The following ZNF385B variants were observed in gnomAD, a reference collection of about 807,000 sequenced individuals.
ZNF385B encodes zinc finger protein 385B.
ZNF385B carries 23 observed loss-of-function variants against 39.2 expected under a neutral mutation model. The ratio of observed to expected loss-of-function variants is 0.59; its 90% CI spans 0.42 to 0.83. The LOEUF (loss-of-function observed/expected upper bound fraction) is 0.83. Among genes scored for constraint, ZNF385B ranks in the 40% least tolerant of loss-of-function variants. ZNF385B has a pLI of 0.00. For missense variants in ZNF385B, 552 were observed against 598.9 expected, an observed-to-expected ratio of 0.92 and a Z score of 0.82; for synonymous variants, 205 against 222.6, an observed-to-expected ratio of 0.92 and a Z score of 0.70.
intron 1 of ZNF385B, among the ~76,000 whole-genome samples, chr2:179,851,201 A>G (rs1684117978): frequency 6.6e-6 from 1 of 152,208 alleles, no homozygotes; most frequent in African/African-American, 2.4e-5. Context: ...CTGTAACCCC[A>G]ATGCTGTGGG....
At chr2:179,602,872 A>G (rs190274627) in intron 3 of ZNF385B, among the ~76,000 whole-genome samples, 30 of 152,324 alleles carry the variant, frequency 2.0e-4, no homozygotes, top group African/African-American at 6.7e-4. Flanking sequence ...GTCTTAAGCA[A>G]TAACTCATTA....
chr2:179,760,546 C>G (rs1443596710), intron 3 of ZNF385B, among the ~76,000 whole-genome samples: 1 of 152,104 alleles, frequency 6.6e-6, no homozygotes, highest in Non-Finnish European at 1.5e-5. Context: ...TTCCTTAGTA[C>G]AGATGTACCA....
intron 3 of ZNF385B, among the ~76,000 whole-genome samples, chr2:179,676,367 C>G (rs927386803): frequency 6.6e-6 from 1 of 151,520 alleles, no homozygotes; most frequent in African/African-American, 2.4e-5. Context: ...GGATTACAGG[C>G]GTGAGCCACC....
intron 3 of ZNF385B, among the ~76,000 whole-genome samples, chr2:179,706,678 T>G (rs1229997381): frequency 6.6e-6 from 1 of 152,192 alleles, no homozygotes; most frequent in Non-Finnish European, 1.5e-5. Flanking sequence ...GGGTTGAAAC[T>G]GACTGAGCAA....
At chr2:179,848,875 T>C (rs1316210425) in intron 1 of ZNF385B, among the ~76,000 whole-genome samples, 1 of 152,092 alleles carries the variant, frequency 6.6e-6, no homozygotes, top group Non-Finnish European at 1.5e-5. Context: ...TCAGGTGTTG[T>C]AGAAAAGAGG....
chr2:179,681,623 G>C (rs1697522416), intron 3 of ZNF385B, among the ~76,000 whole-genome samples: 1 of 152,098 alleles, frequency 6.6e-6, no homozygotes, highest in Admixed American at 6.5e-5. Flanking sequence ...TTTTAAAATT[G>C]CATACTTTTG....
intron 3 of ZNF385B, among the ~76,000 whole-genome samples, chr2:179,600,341 T>C (rs182026881): frequency 6.6e-6 from 1 of 152,338 alleles, no homozygotes; most frequent in African/African-American, 2.4e-5. Context: ...AAAATATCAT[T>C]TTGATATGCA....
chr2:179,466,508 C>T (rs1451104791), intron 6 of ZNF385B, among the ~76,000 whole-genome samples: 2 of 152,116 alleles, frequency 1.3e-5, no homozygotes, highest in African/African-American at 2.4e-5. Context: ...TCATCAGAGG[C>T]TTCTAGCCCA....
rs544197793 is a variant in ZNF385B at position 179,494,003 on chromosome 2, T to A, written c.553-10569A>T. 5.2e-4 allele frequency among the ~76,000 whole-genome samples: 79 copies of A among 151,134 alleles called. 1 individual carries two copies. In the South Asian group the frequency reaches 0.014, roughly 26 times the overall value. ...GACATAGATAAGAAATTATAAATTT[T>A]TATATATATATTAGTGTTAACAGAT... On this transcript the variant is annotated intron_variant, in intron 5 of 9. Transcript: ENST00000410066.
intron 6 of ZNF385B, among the ~76,000 whole-genome samples, chr2:179,460,748 C>T (rs1391759179): frequency 5.3e-5 from 8 of 152,190 alleles, no homozygotes; most frequent in African/African-American, 1.9e-4. Context: ...GACTCAGCCA[C>T]GAGGACAGTT....
At chr2:179,693,719 T>C (rs868108316) in intron 3 of ZNF385B, among the ~76,000 whole-genome samples, 45 of 152,142 alleles carry the variant, frequency 3.0e-4, no homozygotes, top group Non-Finnish European at 1.3e-4. Flanking sequence ...ACGAACAGAT[T>C]GACAGAACCA....
chr2:179,490,308 C>A (rs1480744092), intron 5 of ZNF385B, among the ~76,000 whole-genome samples: 1 of 138,718 alleles, frequency 7.2e-6, no homozygotes, highest in African/African-American at 2.6e-5. Context: ...ATGAGCATTA[C>A]ACACACAAAC....
chr2:179,669,575 A>C (rs1310457834), intron 3 of ZNF385B, among the ~76,000 whole-genome samples: 1 of 152,188 alleles, frequency 6.6e-6, no homozygotes, highest in Non-Finnish European at 1.5e-5. Context: ...TTTCCTCTAC[A>C]TGATAGTGGC....
chr2:179,674,602 C>T (rs560264147), intron 3 of ZNF385B, among the ~76,000 whole-genome samples: 2 of 152,286 alleles, frequency 1.3e-5, no homozygotes, highest in Non-Finnish European at 2.9e-5. Context: ...TCAGCTTCAA[C>T]AATTTAGCAA....
chr2:179,856,624 C>CAA (rs11308289), intron 1 of ZNF385B, among the ~76,000 whole-genome samples: 7 of 108,330 alleles, frequency 6.5e-5, no homozygotes, highest in African/African-American at 1.7e-4. Context: ...ACAGCAGAGA[C>CAA]AAAAAAAAAA....
chr2:179,670,029 C>T (rs1237954214), intron 3 of ZNF385B, among the ~76,000 whole-genome samples: 4 of 152,168 alleles, frequency 2.6e-5, no homozygotes, highest in African/African-American at 7.2e-5. Flanking sequence ...CGGTGGCTCA[C>T]GCTTGTAATC....
At chr2:179,713,967 T>C (rs751563431) in intron 3 of ZNF385B, among the ~76,000 whole-genome samples, 1 of 152,218 alleles carries the variant, frequency 6.6e-6, no homozygotes, top group Non-Finnish European at 1.5e-5. Flanking sequence ...CATAAAATAA[T>C]ATTCCTTGAT....
intron 3 of ZNF385B, among the ~76,000 whole-genome samples, chr2:179,741,585 G>T (rs1466047055): frequency 6.6e-6 from 1 of 151,992 alleles, no homozygotes; most frequent in Non-Finnish European, 1.5e-5. Flanking sequence ...GTTAAAATTG[G>T]GATAGCTTGG....
intron 5 of ZNF385B, among the ~76,000 whole-genome samples, chr2:179,499,975 T>C (rs2056606890): frequency 6.6e-6 from 1 of 152,042 alleles, no homozygotes; most frequent in African/African-American, 2.4e-5. Flanking sequence ...CAAAAATCTG[T>C]AGCATTTTTA....
Sources: allele counts gnomAD v4.1 joint callset (sites outside exome capture counted in the v4.1 genomes callset), GRCh38; gene constraint gnomAD v4.1.1; transcripts MANE v1.5; gene names NCBI Gene and HGNC (gene_info 2026-07-23, HGNC 2026-07-21).